The following MEGF9 variants were observed in gnomAD, a reference collection of about 807,000 sequenced individuals.
MEGF9 encodes multiple epidermal growth factor-like domains protein 9.
In MEGF9, 6 loss-of-function variants were observed where a neutral mutation model predicts 46.8. The observed-to-expected ratio is 0.13, with a 90% CI of 0.07 to 0.25. The LOEUF (loss-of-function observed/expected upper bound fraction) is 0.25, where lower values mean the gene tolerates loss of function less well. MEGF9 is among the 10% of genes least tolerant of loss of function. MEGF9 has a pLI of 1.00. For missense variants in MEGF9, 683 were observed against 792.4 expected (o/e 0.86, Z 1.66); for synonymous variants, 302 against 330.7 (o/e 0.91, Z 0.94).
rs191870940 is a variant in MEGF9, at chr9:120,649,216, A to C, written c.803+10158T>G. The stretch of plus-strand genomic sequence containing the variant: ...AAATATTTTCAACCTGCATTGCTTG[A>C]ATCTGCAGATGTGGAACTCACAGAT... On this transcript the variant is annotated intron_variant, in intron 2 of 5. Transcript: ENST00000373930. Among the ~76,000 whole-genome samples the C allele has an allele frequency of 2.1e-3, 318 of 152,334 alleles. 2 individuals carry two copies. The highest frequency in any genetic ancestry group is 7.2e-3 in the African/African-American group (300 of 41,560).
intron 1 of MEGF9, among the ~76,000 whole-genome samples, chr9:120,677,485 C>T (rs1407616874): frequency 6.6e-6 from 1 of 151,924 alleles, no homozygotes; most frequent in African/African-American, 2.4e-5. Flanking sequence ...AAATGATTAC[C>T]AAATGGTGTG....
rs528587817 is a variant in MEGF9, at chr9:120,628,875, T to C, written c.804-6120A>G. Among the ~76,000 whole-genome samples, 6 of 152,316 alleles carry C rather than the reference T, an allele frequency of 3.9e-5. No individual in the cohort carries two copies. In the South Asian group the frequency reaches 1.2e-3, roughly 32 times the overall value. On this transcript the variant is annotated intron_variant, in intron 2 of 5. Coordinates refer to ENST00000373930, the MANE Select transcript of MEGF9 (RefSeq NM_001080497.3). The stretch of plus-strand genomic sequence containing the variant: ...TGCTTGCAAAAGCACAAGAGATCTT[T>C]AGAGAATTGTCTTGAAACAATAACC...
chr9:120,683,510 C>T (rs545804730), intron 1 of MEGF9, among the ~76,000 whole-genome samples: 1 of 152,334 alleles, frequency 6.6e-6, no homozygotes, highest in African/African-American at 2.4e-5. Context: ...TTTCCCTGCT[C>T]TTGCTAGCTC....
chr9:120,651,852 C>T (rs1235169050), intron 2 of MEGF9, among the ~76,000 whole-genome samples: 2 of 151,564 alleles, frequency 1.3e-5, no homozygotes, highest in African/African-American at 2.4e-5. Flanking sequence ...GGGGTTTCAC[C>T]ATGTTGGTCA....
At chr9:120,694,507 G>A (rs976952967) in intron 1 of MEGF9, among the ~76,000 whole-genome samples, 2 of 152,190 alleles carry the variant, frequency 1.3e-5, no homozygotes, top group Admixed American at 1.3e-4. Context: ...ACATTTATAC[G>A]AATCATTTCA....
At chr9:120,701,687 C>G (rs1428125218) in intron 1 of MEGF9, among the ~76,000 whole-genome samples, 3 of 152,266 alleles carry the variant, frequency 2.0e-5, no homozygotes, top group Non-Finnish European at 4.4e-5. Context: ...TCAAATTTTG[C>G]ACAATCTAAA....
In MEGF9 at chr9:120,628,683, G is replaced by A. The variant is rs527605156; in HGVS notation, c.804-5928C>T. The stretch of plus-strand genomic sequence containing the variant: ...CAGAGAATCCAAATCTTTTATAATG[G>A]ACAGTGAGCTTACCTGATCTTTGCC... On this transcript the variant is annotated intron_variant, in intron 2 of 5. Coordinates refer to ENST00000373930, the MANE Select transcript of MEGF9 (RefSeq NM_001080497.3). Among the ~76,000 whole-genome samples, 3 of 151,996 alleles carry A rather than the reference G, an allele frequency of 2.0e-5. No individual in the cohort carries two copies. In the South Asian group the frequency reaches 6.2e-4, roughly 32 times the overall value.
In MEGF9 at chr9:120,695,603, C is replaced by CAAA. The variant is rs370281228; in HGVS notation, c.601+18152_601+18154dup. On this transcript the variant is annotated intron_variant, in intron 1 of 5. Transcript: ENST00000373930. ...TGGGTGACAGTGTGAGACCCCATCTCAAAAAAAAAAAAAAAAAAAAAAAAA... is the reference window on the plus strand; with the variant it reads ...TGGGTGACAGTGTGAGACCCCATCTCAAAAAAAAAAAAAAAAAAAAAAAAAAAA... 3.7e-3 allele frequency among the ~76,000 whole-genome samples: 69 copies of CAAA among 18,670 alleles called. 11 individuals carry two copies. Among genetic ancestry groups the CAAA allele is most frequent in the African/African-American group, 8.2e-3 (68 of 8,266 alleles). The allele number at this position is 18,670 out of a possible 152,430, so 12.2% of individuals were successfully genotyped here.
chr9:120,701,108 G>T (rs969247952), intron 1 of MEGF9, among the ~76,000 whole-genome samples: 3 of 148,186 alleles, frequency 2.0e-5, no homozygotes, highest in African/African-American at 7.5e-5. Context: ...GACAGAGTGT[G>T]ACCCTGTCTC....
chr9:120,601,897 C>G lies in MEGF9; in HGVS notation c.*3293G>C, dbSNP rs1249057886. 1 of 152,150 alleles carries G rather than the reference C, an allele frequency of 6.6e-6. No homozygotes were observed. Among genetic ancestry groups the G allele is most frequent in the Non-Finnish European group, 1.5e-5 (1 of 68,026 alleles). The allele number at this position is 152,150 out of a possible 1,614,324, so 9.4% of individuals were successfully genotyped here. On this transcript the variant is annotated 3_prime_UTR_variant, in exon 6 of 6. Transcript: ENST00000373930. ...AATGAATTAATGAAGATAAAAGCATCGCTTAATGGCAGTATCTGTAATTTC... is the reference window on the plus strand; with the variant it reads ...AATGAATTAATGAAGATAAAAGCATGGCTTAATGGCAGTATCTGTAATTTC...
At chr9:120,614,794 A>G (rs1318727964) in intron 3 of MEGF9, among the ~76,000 whole-genome samples, 1 of 144,524 alleles carries the variant, frequency 6.9e-6, no homozygotes, top group Admixed American at 6.9e-5. Flanking sequence ...AAAATACCTG[A>G]AAAAAAAAAA....
At chr9:120,673,047 A>C (rs2043757185) in intron 1 of MEGF9, among the ~76,000 whole-genome samples, 1 of 152,220 alleles carries the variant, frequency 6.6e-6, no homozygotes, top group Non-Finnish European at 1.5e-5. Context: ...ATAAGGTTGC[A>C]AGATACAAAA....
At chr9:120,689,889 A>G (rs114025449) in intron 1 of MEGF9, 399 of 511,820 alleles carry the variant, frequency 7.8e-4, no homozygotes, top group African/African-American at 6.9e-3. Context: ...CCTGATAACA[A>G]TTTTCATCCT....
intron 2 of MEGF9, among the ~76,000 whole-genome samples, chr9:120,639,034 A>G (rs556253323): frequency 2.0e-5 from 3 of 152,318 alleles, no homozygotes; most frequent in Non-Finnish European, 4.4e-5. Flanking sequence ...ACTTCTGTAA[A>G]AGTAATCATC....
chr9:120,611,039 G>C (rs1465258317), intron 4 of MEGF9, among the ~76,000 whole-genome samples: 1 of 152,116 alleles, frequency 6.6e-6, no homozygotes. Context: ...AACCACAGTG[G>C]AATACCACTT....
At chr9:120,684,711 C>T (rs567546996) in intron 1 of MEGF9, among the ~76,000 whole-genome samples, 32 of 152,338 alleles carry the variant, frequency 2.1e-4, no homozygotes, top group South Asian at 8.3e-4. Context: ...CTCTTGCACA[C>T]GCCATTAGTG....
intron 2 of MEGF9, among the ~76,000 whole-genome samples, chr9:120,632,336 GT>G (rs34449214): frequency 0.61 from 81,279 of 132,794 alleles, 24,547 homozygotes; most frequent in South Asian, 0.72. Context: ...ATTCCTAAGT[GT>G]TTTTTTTTTT....
Position 120,707,356 on chromosome 9 carries a change from T to G in MEGF9, c.601+6402A>C, listed in dbSNP as rs530915559. On this transcript the variant is annotated intron_variant, in intron 1 of 5. Transcript: ENST00000373930. ...ATACATTTGGCAACAAAACCTGACCTGAGCAAATGCAAATAAAACCTGACC... is the reference window on the plus strand; with the variant it reads ...ATACATTTGGCAACAAAACCTGACCGGAGCAAATGCAAATAAAACCTGACC... Among the ~76,000 whole-genome samples the G allele has an allele frequency of 1.6e-4, 24 of 152,284 alleles. No individual in the cohort carries two copies. In the South Asian group the frequency reaches 2.3e-3, roughly 14 times the overall value.
chr9:120,649,858 G>T (rs534823293), intron 2 of MEGF9, among the ~76,000 whole-genome samples: 1 of 152,288 alleles, frequency 6.6e-6, no homozygotes, highest in East Asian at 1.9e-4. Flanking sequence ...GACTTACTGT[G>T]TAGCAGCAAC....
Sources: allele counts gnomAD v4.1 joint callset (sites outside exome capture counted in the v4.1 genomes callset), GRCh38; gene constraint gnomAD v4.1.1; transcripts MANE v1.5; gene names NCBI Gene and HGNC (gene_info 2026-07-23, HGNC 2026-07-21).